Variants in ADGRG2 observed in about 807,000 individuals in gnomAD.
ADGRG2 encodes the protein adhesion G protein-coupled receptor G2.
ADGRG2 carries 26 observed loss-of-function variants against 74.1 expected under a neutral mutation model. The ratio of observed to expected loss-of-function variants is 0.35; its 90% CI spans 0.26 to 0.49. The LOEUF is 0.49. Ranked by LOEUF, ADGRG2 falls within the 20% of genes least tolerant of loss-of-function variation. The pLI, the probability that ADGRG2 is intolerant of heterozygous loss-of-function variation, is 0.99. For synonymous variants in ADGRG2, 296 were observed against 295.2 expected (o/e 1.00, Z -0.03); for missense variants, 619 against 763.1 (o/e 0.81, Z 2.22).
chrX:19,116,794 C>T (rs759735960), intron 1 of ADGRG2, among the ~76,000 whole-genome samples: 50 of 111,516 alleles, frequency 4.5e-4, no homozygotes, highest in Non-Finnish European at 7.7e-4. Context: ...AGCAGTTTTA[C>T]AAAACAATGT....
rs2061992916 is a variant in ADGRG2 at position 19,090,010 on chromosome X, T to C, written c.-46-7264A>G. 2.7e-5 allele frequency among the ~76,000 whole-genome samples: 3 copies of C among 112,359 alleles called. No homozygotes were observed. In the South Asian group the frequency reaches 1.1e-3, roughly 41 times the overall value. On this transcript the variant is annotated intron_variant, in intron 1 of 28. Transcript: ENST00000379869. ...TCTTCCTTTCATTATTTCTCTCCAC[T>C]CATCTTCCTTTCTTCTTTTCCTTCT... is the stretch of plus-strand genomic sequence containing the variant.
At chrX:19,090,882 G>A (rs753756108) in intron 1 of ADGRG2, among the ~76,000 whole-genome samples, 71 of 111,071 alleles carry the variant, frequency 6.4e-4, no homozygotes, top group African/African-American at 2.2e-3. Flanking sequence ...CAAGAAGTGC[G>A]ATATTGCGAT....
At chrX:19,075,580 T>C (rs1187829865) in intron 2 of ADGRG2, among the ~76,000 whole-genome samples, 2 of 91,997 alleles carry the variant, frequency 2.2e-5, no homozygotes, top group African/African-American at 4.3e-5. Context: ...ATCACACTAC[T>C]GCACTCCAGC....
At chrX:19,094,758 G>A (rs1211915983) in intron 1 of ADGRG2, among the ~76,000 whole-genome samples, 1 of 112,630 alleles carries the variant, frequency 8.9e-6, no homozygotes, top group Non-Finnish European at 1.9e-5. Context: ...CGGTTCCACC[G>A]GAAGCGGAGT....
intron 1 of ADGRG2, among the ~76,000 whole-genome samples, chrX:19,112,938 C>T (rs1166685546): frequency 1.1e-5 from 1 of 87,553 alleles, no homozygotes; most frequent in Non-Finnish European, 2.2e-5. Flanking sequence ...AGCCTGGCGA[C>T]AGGGTGAGAC....
chrX:19,009,609 C>T lies in ADGRG2; in HGVS notation c.1422+17G>A, dbSNP rs2060310554. ...CACACAAGAGAATGTTTTTTTCTGC[C>T]ATCAATTATGATGTACCTGAAGATT... On this transcript the variant is annotated intron_variant, in intron 18 of 28. Transcript: ENST00000379869. 2 of 1,189,517 alleles carry T rather than the reference C, an allele frequency of 1.7e-6. No homozygotes were observed. The highest frequency in any genetic ancestry group is 1.8e-5 in the African/African-American group (1 of 56,765).
chrX:19,116,127 A>T (rs746947251), intron 1 of ADGRG2, among the ~76,000 whole-genome samples: 10 of 106,691 alleles, frequency 9.4e-5, no homozygotes, highest in African/African-American at 3.5e-4. Flanking sequence ...AGGTGGGAGG[A>T]TCGCTTAAGC....
intron 14 of ADGRG2, among the ~76,000 whole-genome samples, chrX:19,020,808 TAA>T (rs1226646529): frequency 9.1e-6 from 1 of 109,490 alleles, no homozygotes; most frequent in African/African-American, 3.3e-5. Context: ...TTAAAAATGT[TAA>T]AATTAGCTGG....
Position 18,999,108 on chromosome X carries a change from A to G in ADGRG2, c.2502T>C (p.Ser834=). The G allele has an allele frequency of 8.3e-7, 1 of 1,209,594 alleles. No individual in the cohort carries two copies. The highest frequency in any genetic ancestry group is 1.8e-5 in the South Asian group (1 of 56,934). The change falls in exon 26 of 29, where the codon AGT becomes AGC. Residue 834 remains serine (S), a synonymous_variant. Transcript: ENST00000379869. ...CCAGTAAAAATGTAAGGCCAGCGAT[A>G]CTCCTGAGGTCTTGAATACTGGTTT... ...QRKTSIQDLR[S]IAGLTFLLGI...
chrX:19,029,372 G>T (rs1371736909), intron 9 of ADGRG2, among the ~76,000 whole-genome samples: 1 of 111,922 alleles, frequency 8.9e-6, no homozygotes, highest in African/African-American at 3.2e-5. Flanking sequence ...TCTTATTGAT[G>T]AATATTGAGT....
Position 19,004,819 on chromosome X carries a change from T to C in ADGRG2, c.1900A>G (p.Ile634Val). The change falls in exon 23 of 29, where the codon ATT (isoleucine) becomes GTT (valine). Residue 634 changes from isoleucine (I) to valine (V), a missense_variant. Around this residue, in one of 3 missense-constraint regions of ADGRG2, gnomAD observed 221 missense variants for 340.6 expected, o/e 0.65. Coordinates refer to ENST00000379869, the MANE Select transcript of ADGRG2 (RefSeq NM_001079858.3). ...AAAATTGATGAAAGCCCACAACCAATATATGTAATGAACGTCAGAGCCATC... is the reference window on the plus strand; with the variant it reads ...AAAATTGATGAAAGCCCACAACCAACATATGTAATGAACGTCAGAGCCATC... ...QMMALTFITY[I>V]GCGLSSIFLS... The C allele has an allele frequency of 1.7e-6, 2 of 1,203,375 alleles. No homozygotes were observed. Among genetic ancestry groups the C allele is most frequent in the East Asian group, 5.9e-5 (2 of 33,829 alleles).
rs112734748 is a variant in ADGRG2, at chrX:19,058,055, T to C, written c.118+10662A>G. Among the ~76,000 whole-genome samples the C allele has an allele frequency of 6.2e-3, 686 of 111,436 alleles. 5 individuals carry two copies. The highest frequency in any genetic ancestry group is 0.022 in the African/African-American group (662 of 30,646). ...AAGAAAAGAATTACAAAATAGGTCA[T>C]GGGTGGGGAAAATACCAGATACCAA... is the stretch of plus-strand genomic sequence containing the variant. On this transcript the variant is annotated intron_variant, in intron 3 of 28. Coordinates refer to ENST00000379869, the MANE Select transcript of ADGRG2 (RefSeq NM_001079858.3).
At chrX:19,042,557 T>C (rs2061090457) in intron 3 of ADGRG2, among the ~76,000 whole-genome samples, 2 of 111,363 alleles carry the variant, frequency 1.8e-5, no homozygotes, top group Non-Finnish European at 1.9e-5. Context: ...CTTTCTTACT[T>C]ATTAGAAAAA....
Position 19,093,405 on chromosome X carries a change from G to A in ADGRG2, c.-46-10659C>T, listed in dbSNP as rs183195893. On this transcript the variant is annotated intron_variant, in intron 1 of 28. Transcript: ENST00000379869. ...TCTGTGTGCACAAGGAGAGGATAAA[G>A]GGGAACGTTCTGAGAAGGCAAGAAA... 1.7e-3 allele frequency among the ~76,000 whole-genome samples: 191 copies of A among 111,728 alleles called. 1 individual carries two copies. The highest frequency in any genetic ancestry group is 9.4e-4 in the Non-Finnish European group (50 of 53,161).
chrX:19,074,730 C>T (rs1000342325), intron 2 of ADGRG2, among the ~76,000 whole-genome samples: 4 of 106,526 alleles, frequency 3.8e-5, no homozygotes, highest in Admixed American at 1.0e-4. Flanking sequence ...CCACCACACC[C>T]GGCTAATTTT....
chrX:19,079,729 G>A (rs1463848433), intron 2 of ADGRG2, among the ~76,000 whole-genome samples: 1 of 112,116 alleles, frequency 8.9e-6, no homozygotes, highest in Non-Finnish European at 1.9e-5. Context: ...GGTCTTTACA[G>A]TGCAAAAATG....
At chrX:18,995,772 C>G (rs1034089198) in intron 27 of ADGRG2, among the ~76,000 whole-genome samples, 1 of 112,182 alleles carries the variant, frequency 8.9e-6, no homozygotes, top group Admixed American at 9.5e-5. Context: ...AGCATAATCT[C>G]AATAGAAAAT....
At chrX:19,053,901 G>A (rs967201190) in intron 3 of ADGRG2, among the ~76,000 whole-genome samples, 3 of 111,488 alleles carry the variant, frequency 2.7e-5, no homozygotes, top group Non-Finnish European at 5.7e-5. Context: ...CCAAGTGAAA[G>A]GGGGAAATCT....
chrX:19,019,548 A>ATTTTT, intron 15 of ADGRG2, 51 bp downstream of exon 15: 3 of 529,811 alleles, frequency 5.7e-6, no homozygotes. Context: ...TAGCATGGTG[A>ATTTTT]TTTTTTTTTT....
Sources: gnomAD v4.1 joint callset for allele counts (sites outside exome capture counted in the v4.1 genomes callset) on GRCh38, gnomAD v4.1.1 for gene constraint, gnomAD v4.1.1 regional missense constraint, MANE v1.5 for transcripts, NCBI Gene and HGNC (gene_info 2026-07-23, HGNC 2026-07-21) for gene names.